ADGRF3: variants seen among roughly 807,000 people sequenced by gnomAD.
ADGRF3 encodes adhesion G protein-coupled receptor F3.
A neutral mutation model predicts 93.2 loss-of-function variants in ADGRF3; 85 were observed. The observed-to-expected ratio is 0.91, with a 90% CI of 0.77 to 1.09. The LOEUF is 1.09. Among genes scored for constraint, ADGRF3 ranks in the 50% least tolerant of loss-of-function variants. The pLI is 0.00. For missense variants in ADGRF3, 1,125 were observed against 1,246.2 expected (o/e 0.90, Z 1.46); for synonymous variants, 534 against 532.5 (o/e 1.00, Z -0.04).
At chr2:26,316,511 G>C in intron 3 of ADGRF3, 63 bp from the exon 4 acceptor site, 1 of 1,477,292 alleles carries the variant, frequency 6.8e-7, no homozygotes, top group Non-Finnish European at 9.1e-7. Context: ...GGGCAGGGCA[G>C]ACACCTGCCT....
chr2:26,316,242 G>C (rs1295764216), intron 4 of ADGRF3, 33 bp downstream of exon 4: 1 of 1,541,930 alleles, frequency 6.5e-7, no homozygotes, highest in African/African-American at 1.4e-5. Context: ...TTCACTTAAG[G>C]CCATTGGTTT....
chr2:26,327,247 A>G (rs1282593492), intron 1 of ADGRF3, among the ~76,000 whole-genome samples: 1 of 152,186 alleles, frequency 6.6e-6, no homozygotes, highest in Non-Finnish European at 1.5e-5. Flanking sequence ...TGTCATGGGG[A>G]CTGGGAAAAT....
chr2:26,312,888 G>A, intron 9 of ADGRF3, 55 bp downstream of exon 9: 1 of 1,494,856 alleles, frequency 6.7e-7, no homozygotes. Context: ...CACAGGTGGG[G>A]AGTCTTCAGC....
Position 26,311,301 on chromosome 2 carries a change from G to C in ADGRF3, c.2223C>G (p.His741Gln). The change falls in exon 10 of 14, where the codon CAC becomes CAG. Residue 741 changes from histidine to glutamine, a missense_variant. Transcript: ENST00000651242. ...VVRNKISYFRHAALLNMVFCL... is the reference protein window; with the variant it reads ...VVRNKISYFRQAALLNMVFCL... Reference sequence around the variant, plus strand: ...AGAACACCATGTTGAGCAGGGCGGCGTGGCGGAAATAGGAGATCTTGTTCC... The same window carrying C: ...AGAACACCATGTTGAGCAGGGCGGCCTGGCGGAAATAGGAGATCTTGTTCC... The C allele has an allele frequency of 1.2e-6, 2 of 1,613,880 alleles. No individual in the cohort carries two copies. Among genetic ancestry groups the C allele is most frequent in the South Asian group, 1.1e-5 (1 of 91,078 alleles).
chr2:26,319,725 C>T (rs541781159), intron 1 of ADGRF3, among the ~76,000 whole-genome samples: 1 of 150,778 alleles, frequency 6.6e-6, no homozygotes, highest in East Asian at 2.0e-4. Context: ...CGTTCTTTTT[C>T]TTTCTTTTAG....
At position 26,313,859 on chromosome 2, in the gene ADGRF3, C is replaced by G; in HGVS notation, c.973G>C (p.Val325Leu). ...ESGSQCFVLA[V>L]QRCPMADTTY... is the part of the protein sequence containing the mutation. The stretch of plus-strand genomic sequence containing the variant: ...GTGTCAGCCATCGGGCAGCGCTGAA[C>G]AGCCAGCACAAAGCACTGAGAGCCT... Residue 325 changes from valine to leucine, a missense_variant, in exon 7 of 14, where the codon GTT becomes CTT. Transcript: ENST00000651242. The G allele has an allele frequency of 6.2e-7, 1 of 1,613,998 alleles. No homozygotes were observed. Among genetic ancestry groups the G allele is most frequent in the South Asian group, 1.1e-5 (1 of 91,088 alleles).
chr2:26,313,804 C>T lies in ADGRF3; in HGVS notation c.1028G>A (p.Gly343Asp). Residue 343 changes from glycine (G) to aspartate (D), a missense_variant, in exon 7 of 14, where the codon GGC becomes GAC. Coordinates refer to ENST00000651242, the MANE Select transcript of ADGRF3 (RefSeq NM_001321971.2). ...GATGGGGACCCTGAGTGGAGCCAGG[C>T]CCAGGCTCTGCAGGTCACAAGCGTA... ...TTYACDLQSL[G>D]LAPLRVPISI... 1.2e-6 allele frequency: 2 copies of T among 1,613,976 alleles called. No individual in the cohort carries two copies. Among genetic ancestry groups the T allele is most frequent in the Non-Finnish European group, 8.5e-7 (1 of 1,179,888 alleles).
chr2:26,308,833 T>A lies in ADGRF3; in HGVS notation c.*253A>T. On this transcript the variant is annotated 3_prime_UTR_variant, in exon 14 of 14. Transcript: ENST00000651242. ...CGCACTTTGATATCTGTCGATTATT[T>A]CTGGAGCAAAGGCAGGCTTATTCAT... 1 of 484,026 alleles carries A rather than the reference T, an allele frequency of 2.1e-6. No homozygotes were observed. Among genetic ancestry groups the A allele is most frequent in the Middle Eastern group, 5.3e-4 (1 of 1,878 alleles). 30.0% of individuals were successfully genotyped at this position (484,026 alleles called of 1,614,324 possible). A position where few individuals can be genotyped will look rare whatever the true frequency, so the allele number is the denominator to read the frequency against.
At chr2:26,340,933 C>A (rs182476659) in intron 1 of ADGRF3, among the ~76,000 whole-genome samples, 2 of 152,000 alleles carry the variant, frequency 1.3e-5, no homozygotes, top group Non-Finnish European at 2.9e-5. Flanking sequence ...AAAAGAATGG[C>A]AAATATGTAG....
At chr2:26,316,772 G>C (rs1194814689) in intron 3 of ADGRF3, 140 bp downstream of exon 3, 2 of 915,186 alleles carry the variant, frequency 2.2e-6, no homozygotes, top group Non-Finnish European at 3.3e-6. Context: ...TGAGGAAGGA[G>C]CTGGGCCACG....
At chr2:26,324,437 A>G (rs1354357104) in intron 1 of ADGRF3, among the ~76,000 whole-genome samples, 5 of 152,092 alleles carry the variant, frequency 3.3e-5, no homozygotes, top group Admixed American at 3.3e-4. Context: ...AGATTATTTC[A>G]TCACCCAGGT....
At chr2:26,323,550 C>G (rs141203166) in intron 1 of ADGRF3, among the ~76,000 whole-genome samples, 7 of 152,224 alleles carry the variant, frequency 4.6e-5, no homozygotes, top group African/African-American at 1.7e-4. Flanking sequence ...GATTCTCCCA[C>G]CTCAGCCTGC....
intron 1 of ADGRF3, among the ~76,000 whole-genome samples, chr2:26,337,331 T>C (rs566894547): frequency 1.3e-5 from 2 of 152,382 alleles, no homozygotes; most frequent in Admixed American, 1.3e-4. Context: ...GCTTCCACTT[T>C]ATTGTTCTCC....
intron 1 of ADGRF3, among the ~76,000 whole-genome samples, chr2:26,335,465 T>C (rs1240199265): frequency 6.6e-6 from 1 of 152,236 alleles, no homozygotes; most frequent in African/African-American, 2.4e-5. Flanking sequence ...TTGGCTATTA[T>C]GAATAGCTAC....
At chr2:26,336,722 TAAAAAAAAAA>T (rs57691864) in intron 1 of ADGRF3, among the ~76,000 whole-genome samples, 14 of 22,084 alleles carry the variant, frequency 6.3e-4, no homozygotes, top group Admixed American at 2.7e-3. Flanking sequence ...TGAGACTCCA[TAAAAAAAAAA>T]AAAAAAAAAA....
chr2:26,311,133 C>A lies in ADGRF3; in HGVS notation c.2391G>T (p.Val797=), dbSNP rs779588641. The change falls in exon 10 of 14, where the codon GTG becomes GTT. Residue 797 remains valine (V), a synonymous_variant. Coordinates refer to ENST00000651242, the MANE Select transcript of ADGRF3 (RefSeq NM_001321971.2). ...AGACAAAGAGCAGCTGGTGGGCCAA[C>A]ACCAGGGCCTGCGCCAGCATCCAGA... ...TFFWMLAQAL[V]LAHQLLFVFH... The A allele has an allele frequency of 1.1e-5, 18 of 1,595,880 alleles. No individual in the cohort carries two copies. The highest frequency in any genetic ancestry group is 1.4e-5 in the Non-Finnish European group (16 of 1,171,600).
At chr2:26,309,756 C>T (rs1673883113) in intron 12 of ADGRF3, among the ~76,000 whole-genome samples, 175 bp from the exon 13 acceptor site, 1 of 152,174 alleles carries the variant, frequency 6.6e-6, no homozygotes, top group Non-Finnish European at 1.5e-5. Context: ...CCACACTTTT[C>T]CTTCAAATGC....
chr2:26,314,866 C>T (rs182756785), intron 5 of ADGRF3: 26 of 521,834 alleles, frequency 5.0e-5, no homozygotes, highest in African/African-American at 4.5e-4. Flanking sequence ...CATGCTCTCC[C>T]TAGAGCAGAT....
intron 10 of ADGRF3, 136 bp downstream of exon 10, chr2:26,310,556 G>A: frequency 1.1e-6 from 1 of 882,684 alleles, no homozygotes; most frequent in Admixed American, 2.8e-5. Flanking sequence ...GAGGAACTGG[G>A]ATCCACACCT....
Sources: allele counts gnomAD v4.1 joint callset (sites outside exome capture counted in the v4.1 genomes callset), GRCh38; gene constraint gnomAD v4.1.1; transcripts MANE v1.5; gene names NCBI Gene and HGNC (gene_info 2026-07-23, HGNC 2026-07-21).